FRMD5: variants seen among roughly 807,000 people sequenced by gnomAD.
FRMD5 encodes FERM domain-containing protein 5.
Under a neutral mutation model 69.0 loss-of-function variants are expected in FRMD5, and 20 were observed. That is an observed-to-expected ratio of 0.29 (90% confidence interval 0.20 to 0.42). The LOEUF (loss-of-function observed/expected upper bound fraction) is 0.42. Among genes scored for constraint, FRMD5 ranks in the 10% least tolerant of loss-of-function variants. The probability of loss-of-function intolerance (pLI) is 1.00; values close to 1 mark genes in which losing one functional copy is unlikely to be tolerated. For missense variants in FRMD5, 595 were observed against 708.6 expected, an observed-to-expected ratio of 0.84 and a Z score of 1.82; for synonymous variants, 271 against 260.1, an observed-to-expected ratio of 1.04 and a Z score of -0.40.
At chr15:43,989,795 G>T (rs1475210741) in intron 1 of FRMD5, 6 of 1,041,068 alleles carry the variant, frequency 5.8e-6, no homozygotes, top group African/African-American at 3.1e-5. Context: ...TACATGGCTG[G>T]CCTGTCGAAG....
chr15:43,964,973 A>G (rs1237296554), intron 1 of FRMD5, among the ~76,000 whole-genome samples: 1 of 152,216 alleles, frequency 6.6e-6, no homozygotes, highest in African/African-American at 2.4e-5. Context: ...AAGGGCAAGC[A>G]AAGAAAGAGG....
intron 1 of FRMD5, among the ~76,000 whole-genome samples, chr15:44,060,114 G>A (rs963618942): frequency 1.3e-5 from 2 of 152,160 alleles, no homozygotes; most frequent in Middle Eastern, 3.2e-3. Flanking sequence ...GCAGAGGTTG[G>A]AAATGATGAC....
At chr15:44,066,576 T>C (rs1456257073) in intron 1 of FRMD5, among the ~76,000 whole-genome samples, 1 of 152,174 alleles carries the variant, frequency 6.6e-6, no homozygotes, top group Non-Finnish European at 1.5e-5. Context: ...AATGAGTTGT[T>C]CAGATCTATC....
At chr15:44,013,857 C>CTTTTTTTTTTTTT (rs3040909) in intron 1 of FRMD5, among the ~76,000 whole-genome samples, 1 of 131,600 alleles carries the variant, frequency 7.6e-6, no homozygotes, top group Non-Finnish European at 1.6e-5. Flanking sequence ...GAGACACCTT[C>CTTTTTTTTTTTTT]TTTTTTTTTT....
At chr15:44,050,360 C>CT (rs1892605417) in intron 1 of FRMD5, among the ~76,000 whole-genome samples, 2 of 151,862 alleles carry the variant, frequency 1.3e-5, no homozygotes, top group African/African-American at 2.4e-5. Flanking sequence ...GAGTATTTTT[C>CT]TTTTTCTTTT....
At chr15:43,960,832 C>T (rs907481056) in intron 1 of FRMD5, among the ~76,000 whole-genome samples, 11 of 152,006 alleles carry the variant, frequency 7.2e-5, no homozygotes, top group Non-Finnish European at 1.5e-4. Context: ...ATCTGAGTCC[C>T]ATTTTATGGC....
At chr15:43,892,598 G>A (rs1177979722) in intron 7 of FRMD5, among the ~76,000 whole-genome samples, 2 of 152,152 alleles carry the variant, frequency 1.3e-5, no homozygotes, top group African/African-American at 2.4e-5. Context: ...CCAGTGTAAA[G>A]TTTCCATTAA....
intron 1 of FRMD5, among the ~76,000 whole-genome samples, chr15:44,142,775 G>A (rs1338728651): frequency 6.6e-6 from 1 of 152,140 alleles, no homozygotes; most frequent in Non-Finnish European, 1.5e-5. Context: ...CTGGGCAAAT[G>A]CTGTACTTCC....
intron 4 of FRMD5, among the ~76,000 whole-genome samples, chr15:43,917,064 G>A (rs1263184305): frequency 6.6e-6 from 1 of 152,060 alleles, no homozygotes; most frequent in East Asian, 1.9e-4. Context: ...ACAGGCGTGA[G>A]CCACCACGCC....
At chr15:44,141,965 T>A (rs2077280407) in intron 1 of FRMD5, among the ~76,000 whole-genome samples, 1 of 152,206 alleles carries the variant, frequency 6.6e-6, no homozygotes, top group African/African-American at 2.4e-5. Context: ...TTACATCTAC[T>A]CATTGCTGTC....
intron 9 of FRMD5, 129 bp from the exon 10 acceptor site, chr15:43,888,395 G>A: frequency 1.5e-6 from 1 of 648,234 alleles, no homozygotes; most frequent in Non-Finnish European, 2.7e-6. Flanking sequence ...GGGCCTGTGG[G>A]ACCCACTGAG....
intron 1 of FRMD5, among the ~76,000 whole-genome samples, chr15:44,156,316 G>C (rs990669763): frequency 5.3e-5 from 8 of 152,030 alleles, no homozygotes; most frequent in Non-Finnish European, 7.4e-5. Context: ...ACCAACTGTT[G>C]TATTTTTAGT....
intron 1 of FRMD5, among the ~76,000 whole-genome samples, chr15:44,175,668 C>CT (rs776109272): frequency 6.6e-6 from 1 of 152,060 alleles, no homozygotes; most frequent in Non-Finnish European, 1.5e-5. Context: ...ATGTGAATGT[C>CT]TTTTTGCAGC....
intron 1 of FRMD5, among the ~76,000 whole-genome samples, chr15:44,056,679 AC>A (rs763661690): frequency 5.6e-4 from 85 of 152,306 alleles, no homozygotes; most frequent in Non-Finnish European, 9.7e-4. Flanking sequence ...TCCTTCAAAT[AC>A]ACTAGTTAAG....
At chr15:44,155,651 T>C (rs1022461109) in intron 1 of FRMD5, among the ~76,000 whole-genome samples, 8 of 151,768 alleles carry the variant, frequency 5.3e-5, no homozygotes, top group Non-Finnish European at 1.2e-4. Flanking sequence ...TGGAATGCAA[T>C]GGCACCATCT....
intron 7 of FRMD5, among the ~76,000 whole-genome samples, chr15:43,893,266 A>G (rs928334724): frequency 3.3e-5 from 5 of 152,310 alleles, no homozygotes; most frequent in African/African-American, 9.6e-5. Flanking sequence ...GAAGAAAAAA[A>G]CAAGAAGCAA....
chr15:44,028,401 T>C (rs1891533466), intron 1 of FRMD5, among the ~76,000 whole-genome samples: 1 of 152,300 alleles, frequency 6.6e-6, no homozygotes, highest in Non-Finnish European at 1.5e-5. Context: ...TAAATCAGTT[T>C]GTTAAATAAG....
chr15:43,873,339 C>CAA lies in FRMD5; in HGVS notation c.*544_*545dup. 1 of 1,475,618 alleles carries CAA rather than the reference C, an allele frequency of 6.8e-7. No individual in the cohort carries two copies. The highest frequency in any genetic ancestry group is 2.5e-5 in the East Asian group (1 of 40,142). The allele number at this position is 1,475,618 out of a possible 1,614,324, so 91.4% of individuals were successfully genotyped here. The stretch of plus-strand genomic sequence containing the variant: ...TTACTTTTTTAAAAGTTCTGGCTGG[C>CAA]AAAAAAAACAAACAAAAAACTAAAC... On this transcript the variant is annotated 3_prime_UTR_variant, in exon 14 of 14. Transcript: ENST00000417257.
chr15:43,981,868 T>G, intron 1 of FRMD5, among the ~76,000 whole-genome samples: 1 of 152,236 alleles, frequency 6.6e-6, no homozygotes, highest in Non-Finnish European at 1.5e-5. Flanking sequence ...CCAAGATCCA[T>G]GTTTTAAACC....
Sources: gnomAD v4.1 joint callset for allele counts (sites outside exome capture counted in the v4.1 genomes callset) on GRCh38, gnomAD v4.1.1 for gene constraint, MANE v1.5 for transcripts, NCBI Gene and HGNC (gene_info 2026-07-23, HGNC 2026-07-21) for gene names.